ZC3H11A: variants seen among roughly 807,000 people sequenced by gnomAD.
ZC3H11A encodes zinc finger CCCH-type containing 11A, also known as zinc finger CCCH domain-containing protein 11A.
ZC3H11A carries 22 observed loss-of-function variants against 90.8 expected under a neutral mutation model. That is an observed-to-expected ratio of 0.24 (90% CI 0.17 to 0.35). The LOEUF is 0.35. Among genes scored for constraint, ZC3H11A ranks in the 10% least tolerant of loss-of-function variants. ZC3H11A has a pLI of 1.00. For missense variants in ZC3H11A, 701 were observed against 964.9 expected (o/e 0.73, Z 3.62); for synonymous variants, 294 against 339.8 (o/e 0.87, Z 1.48).
intron 4 of ZC3H11A, among the ~76,000 whole-genome samples, chr1:203,826,079 A>G (rs1680419219): frequency 6.6e-6 from 1 of 152,200 alleles, no homozygotes; most frequent in Admixed American, 6.5e-5. Flanking sequence ...AACAAGGAAG[A>G]TTGGCATTAG....
At chr1:203,800,015 A>G (rs1670053901) in intron 1 of ZC3H11A, 1 of 1,535,934 alleles carries the variant, frequency 6.5e-7, no homozygotes, top group African/African-American at 1.4e-5. Flanking sequence ...CATTTACCTC[A>G]TCTCTAAAAG....
At chr1:203,841,257 CAT>C (rs1184937342) in intron 12 of ZC3H11A, among the ~76,000 whole-genome samples, 1 of 151,014 alleles carries the variant, frequency 6.6e-6, no homozygotes, top group Non-Finnish European at 1.5e-5. Context: ...AGCAGATAAA[CAT>C]GTGAACAAGG....
chr1:203,798,607 A>T lies in ZC3H11A; in HGVS notation c.-1588+2813A>T, dbSNP rs1428605208. 1.3e-6 allele frequency: 2 copies of T among 1,536,126 alleles called. No individual in the cohort carries two copies. Among genetic ancestry groups the T allele is most frequent in the Admixed American group, 3.9e-5 (2 of 50,986 alleles). ...GGCAGCCAAGATTTAACAGCTGAGG[A>T]CCTTAGTGACTCTGATTCAGATGAA... On this transcript the variant is annotated intron_variant, in intron 1 of 17. Transcript: ENST00000367210.
rs1677911287 is a variant in ZC3H11A, at chr1:203,819,855, A to T, written c.174+1166A>T. Among the ~76,000 whole-genome samples, 3 of 151,856 alleles carry T rather than the reference A, an allele frequency of 2.0e-5. No individual in the cohort carries two copies. The South Asian group carries it at 6.2e-4, about 32-fold the overall frequency. On this transcript the variant is annotated intron_variant, in intron 4 of 17. Coordinates refer to ENST00000367210, the MANE Select transcript of ZC3H11A (RefSeq NM_001376342.1). ...AGCCGACTCCAGCAATTTTTTTAAA[A>T]AGATTAACATTGATATATTACCATC...
intron 1 of ZC3H11A, chr1:203,798,217 A>G: frequency 1.3e-6 from 2 of 1,536,190 alleles, no homozygotes; most frequent in Non-Finnish European, 1.7e-6. Flanking sequence ...GGCAAGAAGC[A>G]TGATAAATCA....
At position 203,840,308 on chromosome 1, in the gene ZC3H11A, C is replaced by G. The variant is rs755169309; in HGVS notation, c.976C>G (p.Gln326Glu). 8 of 1,611,426 alleles carry G rather than the reference C, an allele frequency of 5.0e-6. No homozygotes were observed. The highest frequency in any genetic ancestry group is 2.2e-5 in the South Asian group (2 of 90,858). ...TTTGAAAATCTTTCTTTTCACAGCTCAAGTTTCCAAGTCTCTTAAGGAGCG... is the reference window on the plus strand; with the variant it reads ...TTTGAAAATCTTTCTTTTCACAGCTGAAGTTTCCAAGTCTCTTAAGGAGCG... Reference protein sequence around the residue: ...TNIDKTPKKAQVSKSLKERLG... With the variant: ...TNIDKTPKKAEVSKSLKERLG... Residue 326 changes from glutamine to glutamate, a missense_variant and splice_region_variant, in exon 12 of 18, where the codon CAA becomes GAA. Coordinates refer to ENST00000367210, the MANE Select transcript of ZC3H11A (RefSeq NM_001376342.1).
At chr1:203,843,317 T>C (rs958255817) in intron 12 of ZC3H11A, among the ~76,000 whole-genome samples, 2 of 152,210 alleles carry the variant, frequency 1.3e-5, no homozygotes, top group Admixed American at 1.3e-4. Flanking sequence ...AGATTTGTCT[T>C]TAGCTCTAGA....
At chr1:203,848,283 G>T in intron 13 of ZC3H11A, 48 bp from the exon 14 acceptor site, 1 of 1,479,210 alleles carries the variant, frequency 6.8e-7, no homozygotes, top group South Asian at 1.2e-5. Context: ...CTATCATGAA[G>T]TTGCAGCTTA....
At chr1:203,797,698 CT>C in intron 1 of ZC3H11A, 1 of 1,535,156 alleles carries the variant, frequency 6.5e-7, no homozygotes, top group Non-Finnish European at 8.7e-7. Context: ...GCAAAACAGC[CT>C]GCTAAAAAGA....
intron 8 of ZC3H11A, 105 bp from the exon 9 acceptor site, chr1:203,831,555 AT>A: frequency 1.2e-6 from 1 of 842,452 alleles, no homozygotes; most frequent in South Asian, 1.6e-5. Flanking sequence ...TATAGTCATA[AT>A]ATCAGTCTGT....
intron 12 of ZC3H11A, among the ~76,000 whole-genome samples, chr1:203,845,441 AC>A (rs1687620507): frequency 6.6e-6 from 1 of 152,236 alleles, no homozygotes; most frequent in Non-Finnish European, 1.5e-5. Context: ...TATTACAGGT[AC>A]CTAAATACAG....
intron 4 of ZC3H11A, among the ~76,000 whole-genome samples, chr1:203,826,407 TA>T (rs1422865504): frequency 6.6e-5 from 10 of 151,664 alleles, no homozygotes; most frequent in African/African-American, 2.4e-4. Flanking sequence ...AATTATACTT[TA>T]AAAATATTAA....
At chr1:203,800,290 G>C (rs1281605597) in intron 1 of ZC3H11A, 3 of 952,328 alleles carry the variant, frequency 3.2e-6, no homozygotes, top group Non-Finnish European at 4.9e-6. Context: ...ACTAAAAATA[G>C]CCACTTTCAT....
At chr1:203,827,524 CA>C (rs1264095071) in intron 4 of ZC3H11A, among the ~76,000 whole-genome samples, 1 of 151,068 alleles carries the variant, frequency 6.6e-6, no homozygotes, top group East Asian at 1.9e-4. Context: ...ACTAAAAATA[CA>C]AAAAAAATTA....
At chr1:203,841,111 T>C (rs1183892077) in intron 12 of ZC3H11A, among the ~76,000 whole-genome samples, 1 of 151,554 alleles carries the variant, frequency 6.6e-6, no homozygotes, top group Non-Finnish European at 1.5e-5. Context: ...CATACCACTT[T>C]TGACCTCCTG....
intron 4 of ZC3H11A, among the ~76,000 whole-genome samples, chr1:203,821,827 C>T (rs12028219): frequency 2.0e-5 from 3 of 151,748 alleles, no homozygotes; most frequent in South Asian, 2.1e-4. Flanking sequence ...GCGCGATCTC[C>T]GCTCACTGCA....
chr1:203,821,011 T>C (rs1678470454), intron 4 of ZC3H11A, among the ~76,000 whole-genome samples: 3 of 152,200 alleles, frequency 2.0e-5, no homozygotes, highest in Admixed American at 6.5e-5. Context: ...TGCAAACTTG[T>C]GGTGATACGT....
intron 4 of ZC3H11A, among the ~76,000 whole-genome samples, chr1:203,819,089 TACACACACACAC>T (rs200302232): frequency 1.1e-4 from 16 of 140,956 alleles, no homozygotes; most frequent in Admixed American, 4.3e-4. Context: ...TATATATATA[TACACACACACAC>T]ACACACACAC....
rs199808427 is a variant in ZC3H11A, at chr1:203,847,700, C to T, written c.1546+13C>T. 5 of 1,609,270 alleles carry T rather than the reference C, an allele frequency of 3.1e-6. No individual in the cohort carries two copies. The highest frequency in any genetic ancestry group is 4.2e-6 in the Non-Finnish European group (5 of 1,178,732). ...ACCAAAAGAACAGGTAACAAGAGAA[C>T]TTGGTCTCTAGTACCACGTCCCCAC... is the stretch of plus-strand genomic sequence containing the variant. On this transcript the variant is annotated intron_variant, in intron 13 of 17. Coordinates refer to ENST00000367210, the MANE Select transcript of ZC3H11A (RefSeq NM_001376342.1).
Sources: allele counts gnomAD v4.1 joint callset (sites outside exome capture counted in the v4.1 genomes callset), GRCh38; gene constraint gnomAD v4.1.1; transcripts MANE v1.5; gene names NCBI Gene and HGNC (gene_info 2026-07-23, HGNC 2026-07-21).